The following MYO10 variants were observed in gnomAD, a reference collection of about 807,000 sequenced individuals.
MYO10 encodes the protein myosin X, also known as unconventional myosin-X.
MYO10 carries 133 observed loss-of-function variants against 257.3 expected under a neutral mutation model. The ratio of observed to expected loss-of-function variants is 0.52; its 90% CI spans 0.45 to 0.60. MYO10 has a LOEUF of 0.60. Ranked by LOEUF, MYO10 falls within the 20% of genes least tolerant of loss-of-function variation. MYO10 has a pLI of 0.00. For synonymous variants in MYO10, 1,104 were observed against 1,028.6 expected (o/e 1.07, Z -1.40); for missense variants, 2,399 against 2,635.7 (o/e 0.91, Z 1.97).
chr5:16,881,599 A>G (rs1266784403), intron 1 of MYO10, among the ~76,000 whole-genome samples: 1 of 152,176 alleles, frequency 6.6e-6, no homozygotes, highest in Non-Finnish European at 1.5e-5. Context: ...CATTCAAAAC[A>G]CCCCCTTTGT....
intron 39 of MYO10, 68 bp downstream of exon 39, chr5:16,670,458 T>C (rs1736393694): frequency 7.3e-7 from 1 of 1,379,248 alleles, no homozygotes; most frequent in Non-Finnish European, 9.9e-7. Context: ...CCACATGAAC[T>C]TGGCCGTGAT....
At chr5:16,900,435 A>G (rs1745345349) in intron 1 of MYO10, among the ~76,000 whole-genome samples, 3 of 152,166 alleles carry the variant, frequency 2.0e-5, no homozygotes, top group Admixed American at 2.0e-4. Context: ...AGTGTGCCTG[A>G]ACAGAGAAAA....
At chr5:16,728,118 G>A (rs536594122) in intron 19 of MYO10, among the ~76,000 whole-genome samples, 6 of 152,190 alleles carry the variant, frequency 3.9e-5, no homozygotes, top group Admixed American at 2.6e-4. Flanking sequence ...GCCGCCCTCC[G>A]CCATGGCTTC....
At chr5:16,793,841 G>A (rs1000282690) in intron 4 of MYO10, among the ~76,000 whole-genome samples, 4 of 150,876 alleles carry the variant, frequency 2.7e-5, no homozygotes, top group Middle Eastern at 3.5e-3. Flanking sequence ...TGAGGCAGGA[G>A]AATCACTTGA....
chr5:16,825,541 C>A (rs1402297176), intron 2 of MYO10, among the ~76,000 whole-genome samples: 1 of 152,192 alleles, frequency 6.6e-6, no homozygotes, highest in African/African-American at 2.4e-5. Context: ...CTTTTAAATG[C>A]CAGCTATGAC....
intron 5 of MYO10, among the ~76,000 whole-genome samples, chr5:16,782,297 A>C (rs1350626617): frequency 1.3e-5 from 2 of 152,170 alleles, no homozygotes; most frequent in Non-Finnish European, 2.9e-5. Flanking sequence ...TTTTTCTGGA[A>C]AGGACCAGAC....
intron 29 of MYO10, among the ~76,000 whole-genome samples, chr5:16,684,335 CAGGTTCA>C (rs1290964329): frequency 6.6e-6 from 1 of 152,232 alleles, no homozygotes; most frequent in Admixed American, 6.5e-5. Context: ...CTCTGCCTTC[CAGGTTCA>C]AGTGATTCTC....
chr5:16,842,214 T>C (rs570574044), intron 2 of MYO10, among the ~76,000 whole-genome samples: 17 of 152,130 alleles, frequency 1.1e-4, no homozygotes, highest in Non-Finnish European at 2.1e-4. Flanking sequence ...GTGATGGAGG[T>C]AGAAGTTGTA....
chr5:16,681,793 G>C (rs1737013608), intron 31 of MYO10, 78 bp downstream of exon 31: 2 of 1,475,226 alleles, frequency 1.4e-6, no homozygotes, highest in South Asian at 2.7e-5. Context: ...AGCTCGAAAT[G>C]AAAATGCTGC....
intron 21 of MYO10, among the ~76,000 whole-genome samples, chr5:16,708,801 G>A (rs558481370): frequency 1.1e-4 from 17 of 152,260 alleles, no homozygotes; most frequent in South Asian, 1.0e-3. Context: ...GGGCTCAAGC[G>A]ATCCTTCTGC....
At chr5:16,760,910 T>C (rs554276617) in intron 17 of MYO10, among the ~76,000 whole-genome samples, 2 of 152,228 alleles carry the variant, frequency 1.3e-5, no homozygotes, top group East Asian at 3.9e-4. Context: ...ATGTTACTTA[T>C]ACCTCTGTGG....
At chr5:16,863,431 G>A (rs1744159146) in intron 2 of MYO10, among the ~76,000 whole-genome samples, 1 of 152,108 alleles carries the variant, frequency 6.6e-6, no homozygotes, top group Non-Finnish European at 1.5e-5. Flanking sequence ...CTCACCCATG[G>A]ATTTTTCAGT....
At chr5:16,698,102 G>A (rs1024198007) in intron 26 of MYO10, among the ~76,000 whole-genome samples, 1 of 152,220 alleles carries the variant, frequency 6.6e-6, no homozygotes, top group African/African-American at 2.4e-5. Flanking sequence ...TAGGCATGGT[G>A]GCTCATGCCT....
intron 9 of MYO10, among the ~76,000 whole-genome samples, chr5:16,773,417 T>G (rs1741115460): frequency 6.6e-6 from 1 of 152,204 alleles, no homozygotes; most frequent in South Asian, 2.1e-4. Flanking sequence ...GATTAAAGTT[T>G]TCTTCATCTA....
Position 16,818,130 on chromosome 5 carries a change from T to C in MYO10, c.158A>G (p.Lys53Arg). The change falls in exon 3 of 41, where the codon AAG becomes AGG. Residue 53 changes from lysine to arginine, a missense_variant. Lys to Arg is a conservative substitution (Grantham distance 26). This residue lies in a region of MYO10 where 242 missense variants were observed against 249.5 expected (regional missense o/e 0.97). Transcript: ENST00000513610. ...GTTCGTGGGGTGCATAGCAGTCACC[T>C]TCTGGTGGGTAATTGTGCTCTGCTT... ...TYKQSTITHQ[K>R]VTAMHPTNEE... 1 of 1,605,314 alleles carries C rather than the reference T, an allele frequency of 6.2e-7. No individual in the cohort carries two copies. The highest frequency in any genetic ancestry group is 2.2e-5 in the East Asian group (1 of 44,620).
At position 16,664,376 on chromosome 5, in the gene MYO10, A is replaced by G. The variant is rs568320375; in HGVS notation, c.*2316T>C. The G allele has an allele frequency of 6.6e-6, 1 of 152,216 alleles. No individual in the cohort carries two copies. The highest frequency in any genetic ancestry group is 1.5e-5 in the Non-Finnish European group (1 of 68,048). The allele number at this position is 152,216 out of a possible 1,614,324, so 9.4% of individuals were successfully genotyped here. On this transcript the variant is annotated 3_prime_UTR_variant, in exon 41 of 41. Coordinates refer to ENST00000513610, the MANE Select transcript of MYO10 (RefSeq NM_012334.3). ...GAATCCTGAGAGGTGAGCAGTAGAAAGAAGACTTCTGTCAAATTCTTTCTG... is the reference window on the plus strand; with the variant it reads ...GAATCCTGAGAGGTGAGCAGTAGAAGGAAGACTTCTGTCAAATTCTTTCTG...
rs70943817 is a variant in MYO10, at chr5:16,912,802, G to GCACACACACACACACA, written c.21+22970_21+22985dup. Among the ~76,000 whole-genome samples the GCACACACACACACACA allele has an allele frequency of 8.1e-4, 90 of 111,642 alleles. 1 individual carries two copies. The highest frequency in any genetic ancestry group is 1.8e-3 in the South Asian group (5 of 2,756). 73.2% of individuals were successfully genotyped at this position (111,642 alleles called of 152,430 possible). ...CCAGACTTCCTTCACCTACCACCCT[G>GCACACACACACACACA]CACACACACACACACACACACACAC... is the stretch of plus-strand genomic sequence containing the variant. On this transcript the variant is annotated intron_variant, in intron 1 of 40. Coordinates refer to ENST00000513610, the MANE Select transcript of MYO10 (RefSeq NM_012334.3).
chr5:16,788,615 T>G (rs1741662927), intron 4 of MYO10, among the ~76,000 whole-genome samples: 3 of 151,986 alleles, frequency 2.0e-5, no homozygotes, highest in Admixed American at 2.0e-4. Context: ...CACTGGGACT[T>G]AAGTCTGGGA....
chr5:16,738,184 C>T (rs1281343923), intron 19 of MYO10: 11 of 985,152 alleles, frequency 1.1e-5, no homozygotes, highest in African/African-American at 1.7e-5. Context: ...TGGAGCCCAG[C>T]GAGTGAGAAA....
Sources: allele counts gnomAD v4.1 joint callset (sites outside exome capture counted in the v4.1 genomes callset), GRCh38; gene constraint gnomAD v4.1.1; regional missense constraint gnomAD v4.1.1; transcripts MANE v1.5; gene names NCBI Gene and HGNC (gene_info 2026-07-23, HGNC 2026-07-21).